The following PRKN variants were observed in gnomAD, a reference collection of about 807,000 sequenced individuals.
PRKN encodes the protein parkin RBR E3 ubiquitin protein ligase.
A neutral mutation model predicts 59.5 loss-of-function variants in PRKN; 56 were observed. The observed-to-expected ratio is 0.94, with a 90% CI of 0.76 to 1.18. The LOEUF is 1.18. Among genes scored for constraint, PRKN ranks in the 50% most tolerant of loss-of-function variants. The pLI, the probability that PRKN is intolerant of heterozygous loss-of-function variation, is 0.00. For synonymous variants in PRKN, 250 were observed against 222.1 expected (o/e 1.13, Z -1.12); for missense variants, 657 against 596.4 (o/e 1.10, Z -1.06).
intron 7 of PRKN, among the ~76,000 whole-genome samples, chr6:161,767,500 G>A (rs1031647076): frequency 1.9e-4 from 25 of 132,102 alleles, no homozygotes; most frequent in African/African-American, 6.4e-4. Context: ...CTGGGCGACA[G>A]AGCAAAACTC....
At chr6:162,099,293 T>A (rs1779870897) in intron 4 of PRKN, among the ~76,000 whole-genome samples, 1 of 152,170 alleles carries the variant, frequency 6.6e-6, no homozygotes, top group Non-Finnish European at 1.5e-5. Context: ...TAAGGCATAT[T>A]TTTAAAAGTA....
intron 4 of PRKN, among the ~76,000 whole-genome samples, chr6:162,136,517 G>T (rs190567933): frequency 6.6e-6 from 1 of 152,216 alleles, no homozygotes; most frequent in East Asian, 1.9e-4. Flanking sequence ...TTTAAATTTG[G>T]AATCTAGAAT....
chr6:162,248,135 G>A (rs1319241467), intron 3 of PRKN, among the ~76,000 whole-genome samples: 1 of 152,140 alleles, frequency 6.6e-6, no homozygotes, highest in Non-Finnish European at 1.5e-5. Context: ...GAAGAGCTAT[G>A]GAATGAGCTG....
At chr6:161,915,301 A>C (rs1038027366) in intron 6 of PRKN, among the ~76,000 whole-genome samples, 1 of 152,148 alleles carries the variant, frequency 6.6e-6, no homozygotes, top group Non-Finnish European at 1.5e-5. Flanking sequence ...AAATAAAATA[A>C]GATGTTCTTT....
intron 3 of PRKN, among the ~76,000 whole-genome samples, chr6:162,230,159 G>A (rs963591479): frequency 1.3e-5 from 2 of 152,238 alleles, no homozygotes; most frequent in Non-Finnish European, 2.9e-5. Context: ...TTGAAATCAA[G>A]TAGTCATTAC....
chr6:162,443,175 T>C (rs186541659), intron 2 of PRKN, 135 bp downstream of exon 2: 181 of 825,590 alleles, frequency 2.2e-4, no homozygotes, highest in Non-Finnish European at 3.1e-4. Context: ...TGAAGCAGTG[T>C]GGAGTAAAGT....
chr6:162,092,382 G>C (rs889911579), intron 4 of PRKN, among the ~76,000 whole-genome samples: 9 of 151,884 alleles, frequency 5.9e-5, no homozygotes, highest in African/African-American at 1.9e-4. Flanking sequence ...TGAAAAAAAA[G>C]TTTACCACTA....
At chr6:161,569,883 C>G (rs3818005) in intron 7 of PRKN, among the ~76,000 whole-genome samples, 99,966 of 151,774 alleles carry the variant, frequency 0.66, 33,475 homozygotes, top group African/African-American at 0.79. Flanking sequence ...CGGGTAGCTA[C>G]ACATCCATTC....
chr6:162,681,709 T>C lies in PRKN; in HGVS notation c.7+45953A>G, dbSNP rs188482520. Among the ~76,000 whole-genome samples, 52 of 152,240 alleles carry C rather than the reference T, an allele frequency of 3.4e-4. No individual in the cohort carries two copies. In the East Asian group the frequency reaches 7.4e-3, roughly 22 times the overall value. On this transcript the variant is annotated intron_variant, in intron 1 of 11. Coordinates refer to ENST00000366898, the MANE Select transcript of PRKN (RefSeq NM_004562.3). ...GCAATCAATCAGATGTTTGCACAGGTGTGTGACCTTTGTAACTTCATTTCA... is the reference window on the plus strand; with the variant it reads ...GCAATCAATCAGATGTTTGCACAGGCGTGTGACCTTTGTAACTTCATTTCA...
intron 4 of PRKN, among the ~76,000 whole-genome samples, chr6:162,147,535 C>T (rs1018277755): frequency 2.0e-5 from 3 of 152,080 alleles, no homozygotes; most frequent in Non-Finnish European, 2.9e-5. Flanking sequence ...CATCTTAAAG[C>T]AGATCCAGCC....
intron 1 of PRKN, among the ~76,000 whole-genome samples, chr6:162,532,790 A>C (rs1187448426): frequency 6.6e-6 from 1 of 152,236 alleles, no homozygotes; most frequent in Non-Finnish European, 1.5e-5. Context: ...TACAAGGAAC[A>C]AAGGAAATAG....
chr6:161,689,653 C>T (rs1008375447), intron 7 of PRKN, among the ~76,000 whole-genome samples: 1 of 152,126 alleles, frequency 6.6e-6, no homozygotes, highest in Non-Finnish European at 1.5e-5. Flanking sequence ...ACAGTTTTCA[C>T]GCCCAGCTTA....
chr6:162,247,566 T>C lies in PRKN; in HGVS notation c.412+14959A>G, dbSNP rs148998180. Reference sequence around the variant, plus strand: ...GGGGAAAATGATCTCATAAAACCTATATTTCCAATGCATTAATGCAAAATT... The same window carrying C: ...GGGGAAAATGATCTCATAAAACCTACATTTCCAATGCATTAATGCAAAATT... On this transcript the variant is annotated intron_variant, in intron 3 of 11. Coordinates refer to ENST00000366898, the MANE Select transcript of PRKN (RefSeq NM_004562.3). 6.6e-4 allele frequency among the ~76,000 whole-genome samples: 100 copies of C among 152,312 alleles called. 1 individual carries two copies. The East Asian group carries it at 8.7e-3, about 13-fold the overall frequency.
chr6:162,548,997 G>A (rs560899788), intron 1 of PRKN, among the ~76,000 whole-genome samples: 7 of 152,068 alleles, frequency 4.6e-5, no homozygotes, highest in African/African-American at 1.4e-4. Flanking sequence ...TCCATCTGAG[G>A]CTGTTATGGA....
intron 1 of PRKN, among the ~76,000 whole-genome samples, chr6:162,692,087 G>C (rs947605956): frequency 6.6e-6 from 1 of 151,452 alleles, no homozygotes; most frequent in Non-Finnish European, 1.5e-5. Flanking sequence ...TGGTGTTTTG[G>C]ACATGAAGTC....
chr6:162,490,460 TAACA>T (rs1792757832), intron 1 of PRKN, among the ~76,000 whole-genome samples: 1 of 152,124 alleles, frequency 6.6e-6, no homozygotes, highest in African/African-American at 2.4e-5. Flanking sequence ...CAACAAAAAA[TAACA>T]CTCACTAATA....
intron 1 of PRKN, among the ~76,000 whole-genome samples, chr6:162,535,238 C>A (rs1379031899): frequency 6.6e-6 from 1 of 152,142 alleles, no homozygotes; most frequent in African/African-American, 2.4e-5. Context: ...GACTACCAAT[C>A]CTAATGGGTT....
intron 1 of PRKN, among the ~76,000 whole-genome samples, chr6:162,674,883 A>G (rs889218969): frequency 8.3e-4 from 127 of 152,298 alleles, no homozygotes; most frequent in African/African-American, 3.0e-3. Flanking sequence ...AATATTGCTG[A>G]GGGACAGTCA....
chr6:162,130,067 C>G (rs2023051), intron 4 of PRKN, among the ~76,000 whole-genome samples: 1 of 151,970 alleles, frequency 6.6e-6, no homozygotes, highest in East Asian at 1.9e-4. Flanking sequence ...AGCTCTCCAA[C>G]ACAAGGCTCC....
Sources: allele counts gnomAD v4.1 joint callset (sites outside exome capture counted in the v4.1 genomes callset), GRCh38; gene constraint gnomAD v4.1.1; transcripts MANE v1.5; gene names NCBI Gene and HGNC (gene_info 2026-07-23, HGNC 2026-07-21).